SPEN: variants seen among roughly 807,000 people sequenced by gnomAD.
The protein encoded by SPEN is spen family transcriptional repressor.
SPEN carries 18 observed loss-of-function variants against 269.9 expected under a neutral mutation model. The ratio of observed to expected loss-of-function variants is 0.07; its 90% CI spans 0.05 to 0.10. The LOEUF (loss-of-function observed/expected upper bound fraction) is 0.10. SPEN is among the 10% of genes least tolerant of loss of function. SPEN has a pLI of 1.00. For synonymous variants in SPEN, 1,726 were observed against 1,765.7 expected (o/e 0.98, Z 0.56); for missense variants, 3,822 against 4,631.2 (o/e 0.83, Z 5.07).
chr1:15,880,696 A>G (rs1298011817), intron 3 of SPEN, among the ~76,000 whole-genome samples: 1 of 151,980 alleles, frequency 6.6e-6, no homozygotes, highest in African/African-American at 2.4e-5. Flanking sequence ...ACCTCAAGTG[A>G]TCCACCCACC....
Position 15,919,437 on chromosome 1 carries a change from G to T in SPEN, c.1555G>T (p.Val519Leu). The T allele has an allele frequency of 2.5e-6, 4 of 1,607,034 alleles. No individual in the cohort carries two copies. The African/African-American group carries it at 5.4e-5, about 22-fold the overall frequency. ...GFGKSMPTNC[V>L]WLDGLSSNVS... is the part of the protein sequence containing the mutation. ...TGGAAAGAGCATGCCTACAAACTGC[G>T]TGTGGCTAGATGGGCTTTCTTCGAA... The change falls in exon 8 of 15, where the codon GTG (valine) becomes TTG (leucine). Residue 519 changes from valine (V) to leucine (L), a missense_variant. Val to Leu is a conservative substitution (Grantham distance 32). Around this residue, in one of 16 missense-constraint regions of SPEN, gnomAD observed 230 missense variants for 426.1 expected, o/e 0.54. Coordinates refer to ENST00000375759, the MANE Select transcript of SPEN (RefSeq NM_015001.3).
Position 15,934,010 on chromosome 1 carries a change from G to T in SPEN, c.7770G>T (p.Val2590=), listed in dbSNP as rs763761131. Residue 2590 remains valine, a synonymous_variant, in exon 11 of 15, where the codon GTG becomes GTT. Transcript: ENST00000375759. This position sits in a 1 kb window ranked among gnomAD's most constrained non-coding sequence, Gnocchi z 9.2. ...KPLEEKTAPP[V]TNNSEIQASE... is the part of the protein sequence containing the mutation. ...TAGAAGAAAAAACAGCACCTCCAGTGACAAACAACTCTGAGATACAAGCCT... is the reference window on the plus strand; with the variant it reads ...TAGAAGAAAAAACAGCACCTCCAGTTACAAACAACTCTGAGATACAAGCCT... 3 of 1,614,010 alleles carry T rather than the reference G, an allele frequency of 1.9e-6. No homozygotes were observed.
intron 5 of SPEN, among the ~76,000 whole-genome samples, chr1:15,912,405 G>A (rs1485424677): frequency 6.6e-6 from 1 of 152,172 alleles, no homozygotes; most frequent in Admixed American, 6.5e-5. Context: ...TTATGAAGCT[G>A]AGACACTTGA....
chr1:15,905,238 C>T (rs1175332393), intron 3 of SPEN, among the ~76,000 whole-genome samples: 15 of 148,188 alleles, frequency 1.0e-4, no homozygotes, highest in African/African-American at 3.5e-4. Flanking sequence ...ATTTATTTTT[C>T]AAGATGGAGT....
At chr1:15,905,767 G>A (rs755771319) in intron 3 of SPEN, among the ~76,000 whole-genome samples, 1 of 151,356 alleles carries the variant, frequency 6.6e-6, no homozygotes, top group Non-Finnish European at 1.5e-5. Flanking sequence ...TAGAGACCGG[G>A]TTTCACCATG....
At chr1:15,863,270 GCA>G (rs1032254251) in intron 1 of SPEN, among the ~76,000 whole-genome samples, 57 of 151,882 alleles carry the variant, frequency 3.8e-4, no homozygotes, top group African/African-American at 1.2e-3. Context: ...AACTGCACAT[GCA>G]CACACACACA....
intron 10 of SPEN, 123 bp from the exon 11 acceptor site, chr1:15,927,968 C>G: frequency 1.1e-6 from 1 of 920,704 alleles, no homozygotes; most frequent in Non-Finnish European, 1.6e-6. Flanking sequence ...CTAATCATTT[C>G]ACAAATGATT....
rs34435171 is a variant in SPEN, at chr1:15,887,276, A to ATTTT, written c.881+10617_881+10620dup. ...CAGGTGTGAGCTGTGCCTGGCCTGA[A>ATTTT]TTTTTTTTTTTTTTTTTTTTTTGAG... On this transcript the variant is annotated intron_variant, in intron 3 of 14. Transcript: ENST00000375759. Among the ~76,000 whole-genome samples, 164 of 82,278 alleles carry ATTTT rather than the reference A, an allele frequency of 2.0e-3. 1 individual carries two copies. The highest frequency in any genetic ancestry group is 3.4e-3 in the African/African-American group (62 of 18,276). The allele number at this position is 82,278 out of a possible 152,430, so 54.0% of individuals were successfully genotyped here.
chr1:15,884,915 T>C (rs1429222821), intron 3 of SPEN, among the ~76,000 whole-genome samples: 1 of 152,020 alleles, frequency 6.6e-6, no homozygotes, highest in African/African-American at 2.4e-5. Flanking sequence ...TTAATAAAGA[T>C]GGGTTTTCGC....
At position 15,937,156 on chromosome 1, in the gene SPEN, A is replaced by G; in HGVS notation, c.10027-7A>G. 1.2e-6 allele frequency: 2 copies of G among 1,606,884 alleles called. No homozygotes were observed. Among genetic ancestry groups the G allele is most frequent in the South Asian group, 1.1e-5 (1 of 90,764 alleles). Reference sequence around the variant, plus strand: ...CTCTGTCCCTTTGCCTTCCTTCCCTACACCAGGGCCCTCCTCCTGAAGGTG... The same window carrying G: ...CTCTGTCCCTTTGCCTTCCTTCCCTGCACCAGGGCCCTCCTCCTGAAGGTG... On this transcript the variant is annotated splice_polypyrimidine_tract_variant and splice_region_variant and intron_variant, in intron 11 of 14. Coordinates refer to ENST00000375759, the MANE Select transcript of SPEN (RefSeq NM_015001.3). This position sits in a 1 kb window ranked among gnomAD's most constrained non-coding sequence, Gnocchi z 5.7.
rs187821820 is a variant in SPEN at position 15,937,532 on chromosome 1, A to G, written c.10396A>G (p.Ser3466Gly). 3.6e-4 allele frequency: 578 copies of G among 1,613,976 alleles called. 1 individual carries two copies. Among genetic ancestry groups the G allele is most frequent in the Non-Finnish European group, 4.3e-4 (505 of 1,179,998 alleles). Residue 3466 changes from serine to glycine, a missense_variant, in exon 12 of 15, where the codon AGC becomes GGC. Coordinates refer to ENST00000375759, the MANE Select transcript of SPEN (RefSeq NM_015001.3). This position sits in a 1 kb window ranked among gnomAD's most constrained non-coding sequence, Gnocchi z 5.7. ...PLFVPTTSGP[S>G]TPPGLVLPHT... ...GTTTGTCCCAACAACCTCTGGCCCCAGCACCCCACCAGGACTGGTTCTGCC... is the reference window on the plus strand; with the variant it reads ...GTTTGTCCCAACAACCTCTGGCCCCGGCACCCCACCAGGACTGGTTCTGCC...
rs1054115277 is a variant in SPEN at position 15,922,353 on chromosome 1, T to G, written c.1850+4T>G. 1.3e-6 allele frequency: 2 copies of G among 1,589,602 alleles called. No individual in the cohort carries two copies. The highest frequency in any genetic ancestry group is 2.7e-5 in the African/African-American group (2 of 73,758). On this transcript the variant is annotated splice_donor_region_variant and intron_variant, in intron 10 of 14. Transcript: ENST00000375759. ...ATGAAATGTTAGCCGAAAGAAGGTATGTATTTTAAACTTACCAGTGTAGCT... is the reference window on the plus strand; with the variant it reads ...ATGAAATGTTAGCCGAAAGAAGGTAGGTATTTTAAACTTACCAGTGTAGCT...
intron 1 of SPEN, among the ~76,000 whole-genome samples, chr1:15,871,669 G>T (rs2070576618): frequency 6.6e-6 from 1 of 151,926 alleles, no homozygotes; most frequent in African/African-American, 2.4e-5. Context: ...AAATTAAGTA[G>T]CAAAAAAATT....
At position 15,919,282 on chromosome 1, in the gene SPEN, G is replaced by A. The variant is rs903789172; in HGVS notation, c.1522-122G>A. The A allele has an allele frequency of 8.2e-6, 6 of 729,504 alleles. No individual in the cohort carries two copies. The Admixed American group carries it at 1.3e-4, about 16-fold the overall frequency. The allele number at this position is 729,504 out of a possible 1,614,324, so 45.2% of individuals were successfully genotyped here. A position where few individuals can be genotyped will look rare whatever the true frequency, so the allele number is the denominator to read the frequency against. ...TATTCCTATTTAATTTTAACCAGAT[G>A]TTTCCCACTTGAGATGTTGATTTGA... is the stretch of plus-strand genomic sequence containing the variant. On this transcript the variant is annotated intron_variant, in intron 7 of 14. Transcript: ENST00000375759.
At chr1:15,901,993 A>G (rs2070906357) in intron 3 of SPEN, among the ~76,000 whole-genome samples, 1 of 134,374 alleles carries the variant, frequency 7.4e-6, no homozygotes, top group Non-Finnish European at 1.5e-5. Flanking sequence ...CAGTGGCATG[A>G]TTTCGGCTCG....
At chr1:15,889,164 C>T (rs867722481) in intron 3 of SPEN, among the ~76,000 whole-genome samples, 9 of 124,896 alleles carry the variant, frequency 7.2e-5, no homozygotes, top group East Asian at 2.2e-4. Flanking sequence ...CTTTTCTTTT[C>T]TTTTTTTTTT....
rs766637430 is a variant in SPEN at position 15,934,504 on chromosome 1, C to G, written c.8264C>G (p.Ala2755Gly). 8 of 1,613,960 alleles carry G rather than the reference C, an allele frequency of 5.0e-6. No homozygotes were observed. The African/African-American group carries it at 8.0e-5, about 16-fold the overall frequency. Residue 2755 changes from alanine to glycine, a missense_variant, in exon 11 of 15, where the codon GCC (alanine) becomes GGC (glycine). This residue lies in a region of SPEN where 329 missense variants were observed against 431.2 expected (regional missense o/e 0.76). Transcript: ENST00000375759. This position sits in a 1 kb window ranked among gnomAD's most constrained non-coding sequence, Gnocchi z 9.2. Reference protein sequence around the residue: ...AVTAASGGVTATTGTVTMAGA... With the variant: ...AVTAASGGVTGTTGTVTMAGA... ...ACTGCTGCATCTGGTGGTGTAACGG[C>G]CACAACAGGCACGGTGACAATGGCA...
intron 2 of SPEN, chr1:15,873,603 T>C: frequency 2.0e-6 from 2 of 994,458 alleles, no homozygotes; most frequent in Non-Finnish European, 2.4e-6. Flanking sequence ...CAAATTGGAT[T>C]GTAACAAAAA....
In SPEN at chr1:15,876,619, T is replaced by C; in HGVS notation, c.822T>C (p.Ser274=). The C allele has an allele frequency of 4.3e-6, 7 of 1,613,928 alleles. 1 individual carries two copies. In the Middle Eastern group the frequency reaches 9.9e-4, roughly 228 times the overall value. ...CAAGGTCCCCTAGCGGCAGCGGCTCTAGAAGTAGATCCTCCAGTAGTGATT... is the reference window on the plus strand; with the variant it reads ...CAAGGTCCCCTAGCGGCAGCGGCTCCAGAAGTAGATCCTCCAGTAGTGATT... The part of the protein sequence containing the change: ...RPTRSPSGSG[S]RSRSSSSDSI... Residue 274 remains serine, a synonymous_variant, in exon 3 of 15, where the codon TCT becomes TCC. Transcript: ENST00000375759.
Sources: allele counts gnomAD v4.1 joint callset (sites outside exome capture counted in the v4.1 genomes callset), GRCh38; gene constraint gnomAD v4.1.1; regional missense constraint gnomAD v4.1.1; non-coding constraint Gnocchi (gnomAD v3.1); transcripts MANE v1.5; gene names NCBI Gene and HGNC (gene_info 2026-07-23, HGNC 2026-07-21).